Variants in INTU observed in about 807,000 individuals in gnomAD.
The protein encoded by INTU is protein inturned.
INTU carries 68 observed loss-of-function variants against 100.5 expected under a neutral mutation model. That is an observed-to-expected ratio of 0.68 (90% confidence interval 0.56 to 0.83). The LOEUF (loss-of-function observed/expected upper bound fraction) is 0.83, where lower values mean the gene tolerates loss of function less well. Among genes scored for constraint, INTU ranks in the 40% least tolerant of loss-of-function variants. The pLI, the probability that INTU is intolerant of heterozygous loss-of-function variation, is 0.00. For synonymous variants in INTU, 357 were observed against 395.7 expected (o/e 0.90, Z 1.16); for missense variants, 1,071 against 1,114.7 (o/e 0.96, Z 0.56).
chr4:127,691,585 C>A (rs1284708648), intron 8 of INTU, among the ~76,000 whole-genome samples: 2 of 151,828 alleles, frequency 1.3e-5, no homozygotes, highest in African/African-American at 4.8e-5. Flanking sequence ...TTTGTTAAGG[C>A]CTTTGGCCCA....
At chr4:127,645,072 G>A (rs747962304) in intron 2 of INTU, among the ~76,000 whole-genome samples, 34 of 152,260 alleles carry the variant, frequency 2.2e-4, no homozygotes, top group Non-Finnish European at 4.0e-4. Context: ...TTTACAAGGA[G>A]GATCATATGG....
Position 127,642,311 on chromosome 4 carries a change from A to G in INTU, c.147-1210A>G, listed in dbSNP as rs112118380. On this transcript the variant is annotated intron_variant, in intron 1 of 15. Transcript: ENST00000335251. ...AACCAACAAGTCCCAAAGAAATGTTAGTTTTGATATTTTCAGCTTGTTAGG... is the reference window on the plus strand; with the variant it reads ...AACCAACAAGTCCCAAAGAAATGTTGGTTTTGATATTTTCAGCTTGTTAGG... 1.3e-3 allele frequency among the ~76,000 whole-genome samples: 202 copies of G among 152,328 alleles called. 1 individual carries two copies. The highest frequency in any genetic ancestry group is 4.4e-3 in the African/African-American group (184 of 41,584).
chr4:127,679,022 G>C, intron 6 of INTU, among the ~76,000 whole-genome samples: 1 of 152,018 alleles, frequency 6.6e-6, no homozygotes, highest in South Asian at 2.1e-4. Flanking sequence ...TTACATAATG[G>C]TAAAGGGATC....
chr4:127,660,751 A>G (rs548346199), intron 3 of INTU, among the ~76,000 whole-genome samples: 4 of 152,330 alleles, frequency 2.6e-5, no homozygotes, highest in South Asian at 2.1e-4. Flanking sequence ...GAAGAGGGAC[A>G]TAGGACACGA....
chr4:127,696,998 G>A (rs2148722379), intron 8 of INTU, among the ~76,000 whole-genome samples: 1 of 152,130 alleles, frequency 6.6e-6, no homozygotes, highest in East Asian at 1.9e-4. Flanking sequence ...CGTTTAAATT[G>A]CCAATTACTT....
In INTU at chr4:127,722,088, A is replaced by T. The variant is rs968594331; in HGVS notation, c.*5652A>T. On this transcript the variant is annotated 3_prime_UTR_variant, in exon 16 of 16. Coordinates refer to ENST00000335251, the MANE Select transcript of INTU (RefSeq NM_015693.4). The stretch of plus-strand genomic sequence containing the variant: ...TATCCTTGCATTCTTTCTCATCTTC[A>T]TGGGTTTATCTACCTTTGATCTTTG... 1 of 152,118 alleles carries T rather than the reference A, an allele frequency of 6.6e-6. No homozygotes were observed. Among genetic ancestry groups the T allele is most frequent in the Non-Finnish European group, 1.5e-5 (1 of 68,034 alleles). 9.4% of individuals were successfully genotyped at this position (152,118 alleles called of 1,614,324 possible).
rs747190244 is a variant in INTU at position 127,708,592 on chromosome 4, CTTCCAAATCCA to C, written c.2296_2306del (p.Pro766SerfsTer18). On this transcript the variant is annotated frameshift_variant, in exon 13 of 16. Transcript: ENST00000335251. LOFTEE classifies it high-confidence loss of function. ...TCAGGTCACTAAAAAGAAGTCTACT[CTTCCAAATCCA>C]TTTCATTTGGGAAACTTGAAAAAGG... 2 of 1,593,718 alleles carry C rather than the reference CTTCCAAATCCA, an allele frequency of 1.3e-6. No individual in the cohort carries two copies. The highest frequency in any genetic ancestry group is 2.7e-5 in the African/African-American group (2 of 74,326).
intron 4 of INTU, among the ~76,000 whole-genome samples, chr4:127,666,605 C>T (rs1232933829): frequency 6.6e-6 from 1 of 152,076 alleles, no homozygotes; most frequent in Non-Finnish European, 1.5e-5. Flanking sequence ...TCTTTCTGCC[C>T]ACCACTCAAC....
intron 13 of INTU, among the ~76,000 whole-genome samples, chr4:127,709,714 C>T (rs1560620327): frequency 7.5e-6 from 1 of 133,660 alleles, no homozygotes; most frequent in East Asian, 2.2e-4. Flanking sequence ...ATAGAATTCA[C>T]ACACACACAC....
At chr4:127,655,659 G>A (rs1355884696) in intron 2 of INTU, among the ~76,000 whole-genome samples, 3 of 151,046 alleles carry the variant, frequency 2.0e-5, no homozygotes, top group East Asian at 1.9e-4. Context: ...GTCTGCAGAG[G>A]TTACTGCTGT....
At chr4:127,665,097 C>T (rs1728637267) in intron 4 of INTU, among the ~76,000 whole-genome samples, 1 of 151,390 alleles carries the variant, frequency 6.6e-6, no homozygotes, top group Non-Finnish European at 1.5e-5. Context: ...TTCAGTTACC[C>T]TTCCTTTACT....
rs1361156612 is a variant in INTU, at chr4:127,722,868, TTA to T, written c.*6435_*6436del. 6.6e-6 allele frequency: 1 copy of T among 152,402 alleles called. No individual in the cohort carries two copies. Among genetic ancestry groups the T allele is most frequent in the Non-Finnish European group, 1.5e-5 (1 of 68,218 alleles). The allele number at this position is 152,402 out of a possible 1,614,324, so 9.4% of individuals were successfully genotyped here. A position where few individuals can be genotyped will look rare whatever the true frequency, so the allele number is the denominator to read the frequency against. On this transcript the variant is annotated 3_prime_UTR_variant, in exon 16 of 16. Transcript: ENST00000335251. ...GGATTCCAAGCCAGTGGGTTTTAGC[TTA>T]TAGAGTTCTGTGAGAGCAAGGCTGC...
chr4:127,638,235 T>C (rs889798052), intron 1 of INTU, among the ~76,000 whole-genome samples: 5 of 152,248 alleles, frequency 3.3e-5, no homozygotes, highest in Non-Finnish European at 5.9e-5. Flanking sequence ...GGTTTTTCTC[T>C]GTTCCTAGAA....
chr4:127,676,445 G>A (rs756254391), intron 6 of INTU, among the ~76,000 whole-genome samples: 1 of 152,074 alleles, frequency 6.6e-6, no homozygotes, highest in Non-Finnish European at 1.5e-5. Context: ...AATTAGCCAG[G>A]CACAGTGGCA....
At chr4:127,633,427 G>C (rs1354597907) in intron 1 of INTU, among the ~76,000 whole-genome samples, 2 of 152,070 alleles carry the variant, frequency 1.3e-5, no homozygotes, top group Non-Finnish European at 2.9e-5. Flanking sequence ...TCTTAGATGA[G>C]GAGAATCTCC....
At position 127,698,462 on chromosome 4, in the gene INTU, C is replaced by CA. The variant is rs767877808; in HGVS notation, c.1450-1533dup. ...TGAGCAACAGAGGGACACTCTGTCT[C>CA]AAAAAAAAAAAAAAAGTCGTGTGTG... On this transcript the variant is annotated intron_variant, in intron 8 of 15. Coordinates refer to ENST00000335251, the MANE Select transcript of INTU (RefSeq NM_015693.4). 7.2e-3 allele frequency among the ~76,000 whole-genome samples: 704 copies of CA among 97,814 alleles called. 3 individuals are homozygous for CA. Among genetic ancestry groups the CA allele is most frequent in the Middle Eastern group, 7.4e-3 (1 of 136 alleles). The allele number at this position is 97,814 out of a possible 152,430, so 64.2% of individuals were successfully genotyped here.
At chr4:127,713,323 A>G (rs1731156582) in intron 14 of INTU, among the ~76,000 whole-genome samples, 1 of 152,168 alleles carries the variant, frequency 6.6e-6, no homozygotes, top group Non-Finnish European at 1.5e-5. Flanking sequence ...GATGGATTAG[A>G]TAAAAGCTAT....
chr4:127,707,424 T>C (rs1178853230), intron 12 of INTU, among the ~76,000 whole-genome samples: 3 of 126,924 alleles, frequency 2.4e-5, no homozygotes, highest in African/African-American at 8.8e-5. Context: ...AAAAGAAATA[T>C]CAAATAATAA....
chr4:127,662,887 T>C (rs1432746324), intron 3 of INTU, among the ~76,000 whole-genome samples: 1 of 152,214 alleles, frequency 6.6e-6, no homozygotes, highest in African/African-American at 2.4e-5. Context: ...AGAAAGAATG[T>C]CTGAGAGAAG....
Sources: gnomAD v4.1 joint callset for allele counts (sites outside exome capture counted in the v4.1 genomes callset) on GRCh38, gnomAD v4.1.1 for gene constraint, MANE v1.5 for transcripts, NCBI Gene and HGNC (gene_info 2026-07-23, HGNC 2026-07-21) for gene names.